MAGI2: variants seen among roughly 807,000 people sequenced by gnomAD.
The protein encoded by MAGI2 is membrane-associated guanylate kinase, WW and PDZ domain-containing protein 2.
MAGI2 carries 35 observed loss-of-function variants against 133.3 expected under a neutral mutation model. That is an observed-to-expected ratio of 0.26 (90% CI 0.20 to 0.35). The LOEUF (loss-of-function observed/expected upper bound fraction) is 0.35. Ranked by LOEUF, MAGI2 falls within the 10% of genes least tolerant of loss-of-function variation. The probability of loss-of-function intolerance (pLI) is 1.00; values close to 1 mark genes in which losing one functional copy is unlikely to be tolerated. For synonymous variants in MAGI2, 729 were observed against 710.6 expected (o/e 1.03, Z -0.41); for missense variants, 1,636 against 1,863.4 (o/e 0.88, Z 2.25).
At chr7:79,026,261 A>G (rs1466490390) in intron 1 of MAGI2, among the ~76,000 whole-genome samples, 1 of 152,220 alleles carries the variant, frequency 6.6e-6, no homozygotes, top group Non-Finnish European at 1.5e-5. Flanking sequence ...AAAGTTGTCC[A>G]TAATTTTTAA....
Position 78,763,732 on chromosome 7 carries a change from T to A in MAGI2, c.419-136493A>T, listed in dbSNP as rs201220592. 1.3e-4 allele frequency among the ~76,000 whole-genome samples: 10 copies of A among 76,604 alleles called. No individual in the cohort carries two copies. The East Asian group carries it at 1.6e-3, about 12-fold the overall frequency. 50.3% of individuals were successfully genotyped at this position (76,604 alleles called of 152,430 possible). A position where few individuals can be genotyped will look rare whatever the true frequency, so the allele number is the denominator to read the frequency against. On this transcript the variant is annotated intron_variant, in intron 2 of 21. Coordinates refer to ENST00000354212, the MANE Select transcript of MAGI2 (RefSeq NM_012301.4). ...CCTAAACAAGGAAAGTACAAAAAAA[T>A]AAGACATATAACTTTTCATAGGCTT...
chr7:79,320,083 A>G (rs1365810183), intron 1 of MAGI2, among the ~76,000 whole-genome samples: 1 of 152,056 alleles, frequency 6.6e-6, no homozygotes, highest in Non-Finnish European at 1.5e-5. Context: ...CCTGGTGCTG[A>G]CTGTTACATA....
intron 2 of MAGI2, among the ~76,000 whole-genome samples, chr7:78,956,141 T>C (rs938049331): frequency 6.6e-6 from 1 of 152,094 alleles, no homozygotes; most frequent in Non-Finnish European, 1.5e-5. Context: ...CAACCTGCCC[T>C]GGAGGTTGAG....
intron 16 of MAGI2, among the ~76,000 whole-genome samples, chr7:78,151,340 C>T (rs1438511356): frequency 2.0e-5 from 3 of 152,014 alleles, no homozygotes; most frequent in African/African-American, 4.8e-5. Context: ...TGAAGTAATA[C>T]TTTTTTCTAA....
intron 1 of MAGI2, among the ~76,000 whole-genome samples, chr7:79,231,940 C>T (rs183627430): frequency 1.9e-3 from 285 of 152,106 alleles, no homozygotes; most frequent in Middle Eastern, 3.4e-3. Flanking sequence ...TTGTCATAGA[C>T]AGCTCTTATT....
At chr7:78,568,934 CG>C (rs1476137365) in intron 3 of MAGI2, among the ~76,000 whole-genome samples, 2 of 152,100 alleles carry the variant, frequency 1.3e-5, no homozygotes, top group Non-Finnish European at 2.9e-5. Flanking sequence ...ATTCCTTGAC[CG>C]TTCTGCACAT....
At chr7:78,654,729 A>G (rs1042507185) in intron 2 of MAGI2, among the ~76,000 whole-genome samples, 6 of 124,678 alleles carry the variant, frequency 4.8e-5, no homozygotes, top group East Asian at 2.2e-4. Flanking sequence ...ATATATATAT[A>G]TATATATATA....
intron 3 of MAGI2, among the ~76,000 whole-genome samples, chr7:78,626,834 G>A (rs1232067164): frequency 3.1e-5 from 1 of 31,908 alleles, no homozygotes; most frequent in African/African-American, 8.2e-5. Context: ...CAATGTGTGT[G>A]TGTGTGTGTG....
chr7:79,322,123 T>C (rs1037434341), intron 1 of MAGI2, among the ~76,000 whole-genome samples: 8 of 152,156 alleles, frequency 5.3e-5, no homozygotes, highest in Admixed American at 2.6e-4. Flanking sequence ...ACCTTCTTCA[T>C]AGCAGCATAA....
chr7:78,161,161 T>G (rs1452682701), intron 15 of MAGI2, among the ~76,000 whole-genome samples: 1 of 152,174 alleles, frequency 6.6e-6, no homozygotes, highest in Non-Finnish European at 1.5e-5. Flanking sequence ...TACACCCTAT[T>G]ATCAACCAGA....
At chr7:78,788,684 A>G (rs535102413) in intron 2 of MAGI2, among the ~76,000 whole-genome samples, 26 of 152,176 alleles carry the variant, frequency 1.7e-4, no homozygotes, top group African/African-American at 6.0e-4. Context: ...CTAGGAAAGT[A>G]CTACACCTCA....
chr7:78,044,194 C>T (rs1020115907), intron 21 of MAGI2, among the ~76,000 whole-genome samples: 2 of 152,148 alleles, frequency 1.3e-5, no homozygotes, highest in African/African-American at 2.4e-5. Context: ...TTTTCAGAAC[C>T]GAGAGTTCCT....
intron 2 of MAGI2, among the ~76,000 whole-genome samples, chr7:78,674,360 A>G (rs1332264140): frequency 2.0e-5 from 3 of 152,120 alleles, no homozygotes; most frequent in African/African-American, 7.2e-5. Context: ...ATTTCAAATA[A>G]TGAACAGCAA....
At chr7:79,111,762 G>T (rs370995042) in intron 1 of MAGI2, among the ~76,000 whole-genome samples, 1 of 152,098 alleles carries the variant, frequency 6.6e-6, no homozygotes, top group South Asian at 2.1e-4. Flanking sequence ...CGCCTCCCAG[G>T]TTCATGCCAT....
intron 6 of MAGI2, among the ~76,000 whole-genome samples, chr7:78,432,193 C>A (rs1194544418): frequency 6.6e-6 from 1 of 150,892 alleles, no homozygotes; most frequent in Non-Finnish European, 1.5e-5. Flanking sequence ...AACACATAAT[C>A]CAGTGCAGGC....
intron 2 of MAGI2, among the ~76,000 whole-genome samples, chr7:78,906,136 T>G (rs1344295017): frequency 6.6e-6 from 1 of 152,214 alleles, no homozygotes; most frequent in Non-Finnish European, 1.5e-5. Context: ...AGAAATGCAG[T>G]TACATAATAA....
chr7:78,312,827 C>T (rs1168020211), intron 9 of MAGI2, among the ~76,000 whole-genome samples: 1 of 151,688 alleles, frequency 6.6e-6, no homozygotes, highest in African/African-American at 2.4e-5. Flanking sequence ...CAAAAAGATA[C>T]CTGCATACAT....
intron 2 of MAGI2, among the ~76,000 whole-genome samples, chr7:78,888,305 A>G (rs963586953): frequency 6.6e-6 from 1 of 152,214 alleles, no homozygotes; most frequent in Non-Finnish European, 1.5e-5. Flanking sequence ...CTCTGGGGGC[A>G]GGGCATAGCC....
intron 10 of MAGI2, chr7:78,252,558 G>T (rs900461840): frequency 6.6e-6 from 1 of 151,394 alleles, no homozygotes; most frequent in African/African-American, 2.4e-5. Context: ...AGAGCTAAAG[G>T]TATACAATTT....
Sources: allele counts gnomAD v4.1 joint callset (sites outside exome capture counted in the v4.1 genomes callset), GRCh38; gene constraint gnomAD v4.1.1; transcripts MANE v1.5; gene names NCBI Gene and HGNC (gene_info 2026-07-23, HGNC 2026-07-21).